The following ANGPT2 variants were observed in gnomAD, a reference collection of about 807,000 sequenced individuals.
The protein encoded by ANGPT2 is angiopoietin 2.
In ANGPT2, 28 loss-of-function variants were observed where a neutral mutation model predicts 62.9. The ratio of observed to expected loss-of-function variants is 0.44; its 90% CI spans 0.33 to 0.61. ANGPT2 has a LOEUF of 0.61. Among genes scored for constraint, ANGPT2 ranks in the 20% least tolerant of loss-of-function variants. ANGPT2 has a pLI of 0.03. For missense variants in ANGPT2, 727 were observed against 594.9 expected (o/e 1.22, Z -2.31); for synonymous variants, 284 against 207.8 (o/e 1.37, Z -3.15).
intron 5 of ANGPT2, 94 bp from the exon 6 acceptor site, chr8:6,514,872 C>T (rs1212266423): frequency 9.4e-6 from 10 of 1,061,054 alleles, no homozygotes; most frequent in Admixed American, 1.9e-5. Context: ...GAGTGCAGGA[C>T]TCAGCCGAGA....
At chr8:6,506,993 GT>G (rs1414339453) in intron 8 of ANGPT2, among the ~76,000 whole-genome samples, 1 of 151,964 alleles carries the variant, frequency 6.6e-6, no homozygotes, top group Non-Finnish European at 1.5e-5. Flanking sequence ...TGTCTCCCCG[GT>G]TCAAGAGATT....
chr8:6,503,355 G>T, intron 8 of ANGPT2, 94 bp from the exon 9 acceptor site: 1 of 1,336,128 alleles, frequency 7.5e-7, no homozygotes, highest in East Asian at 2.3e-5. Context: ...GAGGCACACT[G>T]CAGGCGTGTG....
intron 7 of ANGPT2, among the ~76,000 whole-genome samples, chr8:6,511,159 G>A (rs1036448653): frequency 1.1e-4 from 16 of 152,154 alleles, no homozygotes; most frequent in African/African-American, 3.1e-4. Flanking sequence ...TATTTTTTAT[G>A]AGTCTCTGTT....
rs368793388 is a variant in ANGPT2 at position 6,556,869 on chromosome 8, G to A, written c.288+5778C>T. 2.6e-5 allele frequency among the ~76,000 whole-genome samples: 4 copies of A among 152,146 alleles called. No individual in the cohort carries two copies. In the East Asian group the frequency reaches 5.8e-4, roughly 22 times the overall value. ...CTCTCAAAGCTCTAGGATTACAGGT[G>A]TGAGGCACTGTGCCTGGCTTTAGGC... On this transcript the variant is annotated intron_variant, in intron 1 of 8. Coordinates refer to ENST00000629816, the MANE Select transcript of ANGPT2 (RefSeq NM_001118887.2).
chr8:6,538,154 A>G (rs1237479774), intron 1 of ANGPT2, among the ~76,000 whole-genome samples: 1 of 150,824 alleles, frequency 6.6e-6, no homozygotes, highest in Non-Finnish European at 1.5e-5. Context: ...CAGCCCTTCC[A>G]TTTTTCTAGT....
chr8:6,522,120 C>T (rs1235143577), intron 3 of ANGPT2, among the ~76,000 whole-genome samples: 1 of 152,124 alleles, frequency 6.6e-6, no homozygotes, highest in African/African-American at 2.4e-5. Context: ...CTTTGGGAGG[C>T]CGAGGCGGGC....
chr8:6,514,292 C>G (rs1169442454), intron 6 of ANGPT2, among the ~76,000 whole-genome samples: 3 of 152,150 alleles, frequency 2.0e-5, no homozygotes, highest in African/African-American at 7.2e-5. Flanking sequence ...CAGGTTCAAG[C>G]GATTCTCCTG....
At chr8:6,504,150 C>G (rs1388343559) in intron 8 of ANGPT2, among the ~76,000 whole-genome samples, 1 of 151,868 alleles carries the variant, frequency 6.6e-6, no homozygotes, top group Non-Finnish European at 1.5e-5. Flanking sequence ...AACCCCGTCT[C>G]TACTAAAAAT....
intron 1 of ANGPT2, among the ~76,000 whole-genome samples, chr8:6,534,839 T>G (rs1449632847): frequency 6.6e-6 from 1 of 152,166 alleles, no homozygotes; most frequent in Non-Finnish European, 1.5e-5. Context: ...AAACTGTAAC[T>G]TTTGTGATTG....
At chr8:6,514,538 G>C in intron 6 of ANGPT2, 139 bp downstream of exon 6, 1 of 728,198 alleles carries the variant, frequency 1.4e-6, no homozygotes. Context: ...TTCTTTAAAG[G>C]GGAGACTGAA....
At chr8:6,510,344 G>A (rs1814792064) in intron 7 of ANGPT2, among the ~76,000 whole-genome samples, 1 of 152,158 alleles carries the variant, frequency 6.6e-6, no homozygotes, top group Admixed American at 6.5e-5. Context: ...AGCCTACAAA[G>A]CAAATCCTGC....
intron 1 of ANGPT2, among the ~76,000 whole-genome samples, chr8:6,552,875 TTATGATTCCAACTG>T (rs1437729140): frequency 6.6e-6 from 1 of 152,140 alleles, no homozygotes; most frequent in African/African-American, 2.4e-5. Context: ...GCTGTATATT[TTATGATTCCAACTG>T]TATGACATTC....
chr8:6,512,682 T>G (rs773290517), intron 7 of ANGPT2, among the ~76,000 whole-genome samples: 10 of 152,200 alleles, frequency 6.6e-5, no homozygotes, highest in Non-Finnish European at 1.3e-4. Context: ...GTACTTATCT[T>G]GCACACTAGG....
Position 6,546,785 on chromosome 8 carries a change from C to G in ANGPT2, c.289-14298G>C, listed in dbSNP as rs115253484. Among the ~76,000 whole-genome samples the G allele has an allele frequency of 4.7e-3, 721 of 152,296 alleles. 8 individuals are homozygous for G. The highest frequency in any genetic ancestry group is 0.016 in the African/African-American group (662 of 41,560). On this transcript the variant is annotated intron_variant, in intron 1 of 8. Transcript: ENST00000629816. The stretch of plus-strand genomic sequence containing the variant: ...AACGTACCCTCTTCCTCCCCTTCCC[C>G]CAATCCAAGTATTGCCTTTAATTGT...
At chr8:6,520,145 C>G in intron 4 of ANGPT2, 154 bp from the exon 5 acceptor site, 1 of 771,776 alleles carries the variant, frequency 1.3e-6, no homozygotes, top group South Asian at 2.6e-5. Context: ...TAGAAAGTTT[C>G]CTTTCAGCCT....
chr8:6,502,828 G>C lies in ANGPT2; in HGVS notation c.*273C>G. ...GTTGTGACAGCAGCGTCTGTAAACT[G>C]TCAGTCTGATTCTCAGCCTCGGGTT... is the stretch of plus-strand genomic sequence containing the variant. On this transcript the variant is annotated 3_prime_UTR_variant, in exon 9 of 9. Coordinates refer to ENST00000629816, the MANE Select transcript of ANGPT2 (RefSeq NM_001118887.2). The C allele has an allele frequency of 2.3e-6, 1 of 441,860 alleles. No homozygotes were observed. Among genetic ancestry groups the C allele is most frequent in the South Asian group, 3.4e-5 (1 of 29,588 alleles). The allele number at this position is 441,860 out of a possible 1,614,324, so 27.4% of individuals were successfully genotyped here.
chr8:6,522,435 A>C (rs1022202077), intron 3 of ANGPT2, among the ~76,000 whole-genome samples: 3 of 152,126 alleles, frequency 2.0e-5, no homozygotes, highest in Non-Finnish European at 4.4e-5. Context: ...GTTAACGTTA[A>C]TATAGACATT....
chr8:6,563,044 G>T lies in ANGPT2; in HGVS notation c.-110C>A. ...CAGGGCTGCTACGCTGCCATGGCTG[G>T]GTCCGTCAATGAAAGTCTTCTCTTT... On this transcript the variant is annotated 5_prime_UTR_variant, in exon 1 of 9. Coordinates refer to ENST00000629816, the MANE Select transcript of ANGPT2 (RefSeq NM_001118887.2). 2.4e-6 allele frequency: 3 copies of T among 1,247,090 alleles called. No individual in the cohort carries two copies. The highest frequency in any genetic ancestry group is 3.3e-6 in the Non-Finnish European group (3 of 916,218). 77.3% of individuals were successfully genotyped at this position (1,247,090 alleles called of 1,614,324 possible). A position where few individuals can be genotyped will look rare whatever the true frequency, so the allele number is the denominator to read the frequency against.
chr8:6,537,583 T>C (rs578164423), intron 1 of ANGPT2, among the ~76,000 whole-genome samples: 1 of 151,840 alleles, frequency 6.6e-6, no homozygotes, highest in Non-Finnish European at 1.5e-5. Context: ...TATATATATA[T>C]TTTAGTGCAA....
Sources: allele counts gnomAD v4.1 joint callset (sites outside exome capture counted in the v4.1 genomes callset), GRCh38; gene constraint gnomAD v4.1.1; transcripts MANE v1.5; gene names NCBI Gene and HGNC (gene_info 2026-07-23, HGNC 2026-07-21).